FRMD4B: variants seen among roughly 807,000 people sequenced by gnomAD.
FRMD4B encodes FERM domain-containing protein 4B.
FRMD4B carries 74 observed loss-of-function variants against 141.5 expected under a neutral mutation model. The observed-to-expected ratio is 0.52, with a 90% CI of 0.43 to 0.63. The LOEUF (loss-of-function observed/expected upper bound fraction) is 0.63. Among genes scored for constraint, FRMD4B ranks in the 30% least tolerant of loss-of-function variants. The pLI is 0.00. For missense variants in FRMD4B, 1,366 were observed against 1,253.4 expected (o/e 1.09, Z -1.36); for synonymous variants, 506 against 467.9 (o/e 1.08, Z -1.05).
intron 5 of FRMD4B, among the ~76,000 whole-genome samples, chr3:69,274,681 G>A (rs2106951359): frequency 6.6e-6 from 1 of 152,136 alleles, no homozygotes; most frequent in Non-Finnish European, 1.5e-5. Context: ...ACCAGGCCTG[G>A]CTAATTTTTG....
At chr3:69,281,636 C>A (rs1575688397) in intron 5 of FRMD4B, among the ~76,000 whole-genome samples, 1 of 151,764 alleles carries the variant, frequency 6.6e-6, no homozygotes, top group Non-Finnish European at 1.5e-5. Context: ...CCAGCCTGAC[C>A]AACATGGTGA....
At chr3:69,257,967 C>A (rs1211218371) in intron 5 of FRMD4B, among the ~76,000 whole-genome samples, 3 of 152,214 alleles carry the variant, frequency 2.0e-5, no homozygotes, top group Non-Finnish European at 4.4e-5. Flanking sequence ...ACTGGGACTA[C>A]AGGTGCGTGC....
intron 13 of FRMD4B, 28 bp downstream of exon 13, chr3:69,196,872 C>G: frequency 6.4e-7 from 1 of 1,558,422 alleles, no homozygotes; most frequent in South Asian, 1.1e-5. Context: ...GGGAATCTGT[C>G]CCTATAGAAA....
At chr3:69,196,822 C>G in intron 13 of FRMD4B, 78 bp downstream of exon 13, 1 of 1,102,514 alleles carries the variant, frequency 9.1e-7, no homozygotes, top group South Asian at 1.6e-5. Context: ...GTGCTTGCAT[C>G]TTTTGTGAGA....
At position 69,181,558 on chromosome 3, in the gene FRMD4B, G is replaced by C. The variant is rs1253679987; in HGVS notation, c.2192C>G (p.Ser731Cys). The C allele has an allele frequency of 6.2e-7, 1 of 1,613,960 alleles. No individual in the cohort carries two copies. Among genetic ancestry groups the C allele is most frequent in the Non-Finnish European group, 8.5e-7 (1 of 1,179,866 alleles). ...SSTEILDDGSSYTSQSSTEYY... is the reference protein window; with the variant it reads ...SSTEILDDGSCYTSQSSTEYY... ...CTCTGTGCTTGATTGGCTTGTATAA[G>C]AAGACCCGTCATCGAGGATTTCTGT... The change falls in exon 21 of 23, where the codon TCT (serine) becomes TGT (cysteine). Residue 731 changes from serine (S) to cysteine (C), a missense_variant. Transcript: ENST00000398540.
chr3:69,236,157 A>G (rs2106662847), intron 7 of FRMD4B, among the ~76,000 whole-genome samples: 1 of 152,082 alleles, frequency 6.6e-6, no homozygotes, highest in South Asian at 2.1e-4. Flanking sequence ...CCAAACAAAA[A>G]CCATAGCCTA....
intron 20 of FRMD4B, among the ~76,000 whole-genome samples, chr3:69,182,243 A>G (rs1176614872): frequency 1.3e-5 from 2 of 152,206 alleles, no homozygotes; most frequent in Non-Finnish European, 2.9e-5. Flanking sequence ...CTACCTCACA[A>G]AAGGCTTGCT....
At chr3:69,292,102 A>C (rs1311217174) in intron 4 of FRMD4B, among the ~76,000 whole-genome samples, 3 of 152,042 alleles carry the variant, frequency 2.0e-5, no homozygotes, top group Non-Finnish European at 4.4e-5. Context: ...TTCATATTCC[A>C]AGTCAATATG....
intron 5 of FRMD4B, among the ~76,000 whole-genome samples, chr3:69,264,697 A>T (rs1035282825): frequency 1.3e-5 from 2 of 152,250 alleles, no homozygotes; most frequent in Non-Finnish European, 2.9e-5. Flanking sequence ...AATAATATCT[A>T]TGTAATACTT....
At chr3:69,208,530 T>C (rs1283336999) in intron 11 of FRMD4B, among the ~76,000 whole-genome samples, 3 of 146,044 alleles carry the variant, frequency 2.1e-5, no homozygotes, top group Non-Finnish European at 3.1e-5. Flanking sequence ...CCTATCTCCT[T>C]CCCATCGGCA....
intron 1 of FRMD4B, among the ~76,000 whole-genome samples, chr3:69,499,861 A>C (rs760263437): frequency 2.6e-5 from 4 of 152,196 alleles, no homozygotes; most frequent in Non-Finnish European, 4.4e-5. Context: ...GAAGACAGAG[A>C]GTCTAACAAT....
Position 69,221,879 on chromosome 3 carries a change from G to T in FRMD4B, c.710C>A (p.Thr237Asn). 1 of 1,567,628 alleles carries T rather than the reference G, an allele frequency of 6.4e-7. No homozygotes were observed. The highest frequency in any genetic ancestry group is 1.3e-5 in the African/African-American group (1 of 74,296). The stretch of plus-strand genomic sequence containing the variant: ...TTACTGAACCACAGCTTGACCTCGA[G>T]TGAGACCTTTGATTTTCAAATAATG... ...IEHYLKIKGLTRGQAVVQYMK... is the reference protein window; with the variant it reads ...IEHYLKIKGLNRGQAVVQYMK... The change falls in exon 9 of 23, where the codon ACT becomes AAT. Residue 237 changes from threonine (T) to asparagine (N), a missense_variant. Coordinates refer to ENST00000398540, the MANE Select transcript of FRMD4B (RefSeq NM_015123.3).
At chr3:69,529,220 C>A (rs1700979269) in intron 1 of FRMD4B, among the ~76,000 whole-genome samples, 1 of 152,182 alleles carries the variant, frequency 6.6e-6, no homozygotes, top group Admixed American at 6.5e-5. Flanking sequence ...GTTGCTAGAG[C>A]TTCTGAATTT....
chr3:69,201,672 T>C (rs1388855258), intron 11 of FRMD4B, among the ~76,000 whole-genome samples: 1 of 152,200 alleles, frequency 6.6e-6, no homozygotes, highest in African/African-American at 2.4e-5. Context: ...GAAATCATTC[T>C]CCTACTGTGT....
Position 69,303,944 on chromosome 3 carries a change from G to GCAAAAA in FRMD4B, c.324-1515_324-1510dup, listed in dbSNP as rs1476554751. ...AATGAGACCCTGTCTCAAAACAAAA[G>GCAAAAA]CAAAAACAAAAACAAAAAACCAGAC... On this transcript the variant is annotated intron_variant, in intron 3 of 22. Transcript: ENST00000398540. Among the ~76,000 whole-genome samples the GCAAAAA allele has an allele frequency of 2.0e-5, 3 of 151,746 alleles. No individual in the cohort carries two copies. The East Asian group carries it at 5.8e-4, about 29-fold the overall frequency.
At chr3:69,510,029 T>G (rs1706664970) in intron 1 of FRMD4B, among the ~76,000 whole-genome samples, 1 of 151,808 alleles carries the variant, frequency 6.6e-6, no homozygotes, top group Non-Finnish European at 1.5e-5. Flanking sequence ...TATTTAACAC[T>G]CACTTTATTG....
At position 69,454,666 on chromosome 3, in the gene FRMD4B, C is replaced by T. The variant is rs577327942; in HGVS notation, c.-128-21905G>A. On this transcript the variant is annotated intron_variant, in intron 1 of 5. Transcript: ENST00000459638. ...TCTAATTCTGGCCAGGCCTCAGCCACCTCCCCGAGGGGCAGGGCTTGGGAC... is the reference window on the plus strand; with the variant it reads ...TCTAATTCTGGCCAGGCCTCAGCCATCTCCCCGAGGGGCAGGGCTTGGGAC... 3.9e-5 allele frequency among the ~76,000 whole-genome samples: 6 copies of T among 152,348 alleles called. No homozygotes were observed. In the South Asian group the frequency reaches 1.2e-3, roughly 32 times the overall value.
At chr3:69,536,516 C>A (rs1010439702) in intron 1 of FRMD4B, 13 of 698,954 alleles carry the variant, frequency 1.9e-5, no homozygotes, top group African/African-American at 1.1e-4. Flanking sequence ...GCCTGCAGCG[C>A]CTCTACCACC....
intron 1 of FRMD4B, among the ~76,000 whole-genome samples, chr3:69,524,293 T>C (rs1422372517): frequency 6.6e-6 from 1 of 152,232 alleles, no homozygotes; most frequent in Non-Finnish European, 1.5e-5. Flanking sequence ...GAGTATTAAA[T>C]GTGGAAATGT....
Sources: allele counts gnomAD v4.1 joint callset (sites outside exome capture counted in the v4.1 genomes callset), GRCh38; gene constraint gnomAD v4.1.1; transcripts MANE v1.5; gene names NCBI Gene and HGNC (gene_info 2026-07-23, HGNC 2026-07-21).